The following DNAH14 variants were observed in gnomAD, a reference collection of about 807,000 sequenced individuals.
The protein encoded by DNAH14 is axonemal beta dynein heavy chain 14.
DNAH14 carries 478 observed loss-of-function variants against 520.9 expected under a neutral mutation model. That is an observed-to-expected ratio of 0.92 (90% CI 0.85 to 0.99). The LOEUF is 0.99. DNAH14 is among the 50% of genes least tolerant of loss of function. The probability of loss-of-function intolerance (pLI) is 0.00; values close to 1 mark genes in which losing one functional copy is unlikely to be tolerated. For missense variants in DNAH14, 4,831 were observed against 5,234.5 expected (o/e 0.92, Z 2.38); for synonymous variants, 1,581 against 1,757.2 (o/e 0.90, Z 2.51).
At chr1:225,290,645 GTGTATA>G (rs1348641260) in intron 55 of DNAH14, among the ~76,000 whole-genome samples, 723 of 40,326 alleles carry the variant, frequency 0.018, 3 homozygotes, top group African/African-American at 0.031. Context: ...GTGTGTGTGT[GTGTATA>G]TATATATATA....
intron 37 of DNAH14, 141 bp from the exon 38 acceptor site, chr1:225,192,555 C>G: frequency 1.8e-6 from 1 of 559,704 alleles, no homozygotes; most frequent in Non-Finnish European, 3.1e-6. Flanking sequence ...TTTACTGTTC[C>G]TTGCAACTTG....
chr1:224,948,993 T>G (rs1026934230), intron 1 of DNAH14, among the ~76,000 whole-genome samples: 2 of 152,250 alleles, frequency 1.3e-5, no homozygotes, highest in Non-Finnish European at 2.9e-5. Context: ...TTTTCTTTCA[T>G]CTGAGACCTT....
intron 17 of DNAH14, among the ~76,000 whole-genome samples, chr1:225,077,100 A>G (rs1013288589): frequency 6.6e-6 from 1 of 152,186 alleles, no homozygotes; most frequent in Admixed American, 6.5e-5. Flanking sequence ...AATACTTTCT[A>G]TTTTTAGTTT....
At chr1:225,136,055 G>A (rs770663808) in intron 27 of DNAH14, among the ~76,000 whole-genome samples, 7 of 152,012 alleles carry the variant, frequency 4.6e-5, no homozygotes, top group South Asian at 2.1e-4. Context: ...GTCTTTGCAC[G>A]TGAGATGGGG....
At chr1:224,998,387 C>A (rs2063533784) in intron 8 of DNAH14, among the ~76,000 whole-genome samples, 1 of 152,036 alleles carries the variant, frequency 6.6e-6, no homozygotes, top group Non-Finnish European at 1.5e-5. Flanking sequence ...TTTCGCAATG[C>A]CTCTTTAATG....
chr1:225,213,519 T>C (rs974152146), intron 41 of DNAH14, among the ~76,000 whole-genome samples: 1 of 152,236 alleles, frequency 6.6e-6, no homozygotes, highest in Non-Finnish European at 1.5e-5. Flanking sequence ...TTTCACAATG[T>C]TGATTCTTCC....
intron 60 of DNAH14, among the ~76,000 whole-genome samples, chr1:225,316,624 T>G (rs1393461854): frequency 6.6e-6 from 1 of 152,198 alleles, no homozygotes; most frequent in East Asian, 1.9e-4. Context: ...TGACCCCTTG[T>G]GCTTCCTGGG....
intron 41 of DNAH14, among the ~76,000 whole-genome samples, chr1:225,216,903 T>C (rs947674931): frequency 6.6e-6 from 1 of 152,188 alleles, no homozygotes; most frequent in Admixed American, 6.5e-5. Context: ...TTCTATCAAC[T>C]CATCAAAGTC....
intron 69 of DNAH14, among the ~76,000 whole-genome samples, chr1:225,344,398 G>A (rs143615292): frequency 6.6e-4 from 100 of 151,970 alleles, no homozygotes; most frequent in African/African-American, 2.3e-3. Flanking sequence ...CCCTCTAATC[G>A]GTTCCTGTAT....
chr1:225,054,709 C>T (rs1044791581), intron 17 of DNAH14, among the ~76,000 whole-genome samples: 1 of 152,078 alleles, frequency 6.6e-6, no homozygotes, highest in African/African-American at 2.4e-5. Context: ...CTTCACAAAG[C>T]ATGTCATTTA....
intron 11 of DNAH14, among the ~76,000 whole-genome samples, chr1:225,029,161 A>G (rs1319038479): frequency 1.3e-5 from 2 of 152,030 alleles, no homozygotes; most frequent in Non-Finnish European, 1.5e-5. Context: ...AAGTGAAGGA[A>G]GCCAGACTCA....
intron 23 of DNAH14, among the ~76,000 whole-genome samples, chr1:225,115,619 A>G (rs529947198): frequency 4.6e-5 from 7 of 152,252 alleles, no homozygotes; most frequent in African/African-American, 7.2e-5. Flanking sequence ...GCCCTCTTCT[A>G]TTGAAATCTG....
chr1:225,214,516 A>G (rs1332244389), intron 41 of DNAH14, among the ~76,000 whole-genome samples: 1 of 152,146 alleles, frequency 6.6e-6, no homozygotes, highest in Non-Finnish European at 1.5e-5. Context: ...GGTAGAATTC[A>G]GCTGTGAATC....
At chr1:225,394,734 C>T (rs1430054222) in intron 84 of DNAH14, among the ~76,000 whole-genome samples, 3 of 151,746 alleles carry the variant, frequency 2.0e-5, no homozygotes, top group African/African-American at 4.8e-5. Context: ...ATCCCAGCTA[C>T]TTGGGAGGCT....
At chr1:225,322,845 G>C in intron 62 of DNAH14, 22 bp downstream of exon 62, 1 of 1,535,868 alleles carries the variant, frequency 6.5e-7, no homozygotes, top group South Asian at 1.2e-5. Flanking sequence ...ATCTCTAATT[G>C]ATGCATCTCA....
intron 7 of DNAH14, chr1:224,969,251 G>A (rs1176057471): frequency 5.4e-6 from 1 of 186,884 alleles, no homozygotes; most frequent in African/African-American, 2.4e-5. Flanking sequence ...ATATTTTATG[G>A]TCAAGCAAAC....
rs1171698231 is a variant in DNAH14, at chr1:225,380,190, GA to G, written c.12751del (p.Ile4251PhefsTer6). On this transcript the variant is annotated frameshift_variant, in exon 80 of 86. Transcript: ENST00000682510. LOFTEE classifies it high-confidence loss of function. ...GCAGAGTAAGGATGAACTGGTGATGGAAATTCTATCCGACTTGCTAAAGCGG... is the reference window on the plus strand; with the variant it reads ...GCAGAGTAAGGATGAACTGGTGATGGAATTCTATCCGACTTGCTAAAGCGG... ...PEQSKDELVM[E>X]ILSDLLKRLP... is the part of the protein sequence containing the mutation. The G allele has an allele frequency of 1.0e-5, 16 of 1,551,540 alleles. No homozygotes were observed. The East Asian group carries it at 3.9e-4, about 38-fold the overall frequency.
In DNAH14 at chr1:225,331,494, C is replaced by T; in HGVS notation, c.9781C>T (p.Gln3261Ter). The T allele has an allele frequency of 6.4e-7, 1 of 1,551,374 alleles. No individual in the cohort carries two copies. Residue 3261 changes from glutamine to a stop codon, truncating the protein, a stop_gained, in exon 65 of 86, where the codon CAA (glutamine) becomes TAA (stop). Coordinates refer to ENST00000682510, the MANE Select transcript of DNAH14 (RefSeq NM_001367479.1). LOFTEE classifies it high-confidence loss of function. ...AAYKDTVAEK[Q>*]LLANRKTMAS... ...TTACAAAGATACCGTTGCTGAAAAA[C>T]AACTATTAGCAAATCGGAAAACAAT...
chr1:225,276,440 G>A (rs1432751557), intron 53 of DNAH14, among the ~76,000 whole-genome samples: 1 of 152,168 alleles, frequency 6.6e-6, no homozygotes, highest in Non-Finnish European at 1.5e-5. Context: ...GTCCAAAGTA[G>A]CAACAAAGGA....
Sources: allele counts gnomAD v4.1 joint callset (sites outside exome capture counted in the v4.1 genomes callset), GRCh38; gene constraint gnomAD v4.1.1; transcripts MANE v1.5; gene names NCBI Gene and HGNC (gene_info 2026-07-23, HGNC 2026-07-21).